CHD9: variants seen among roughly 807,000 people sequenced by gnomAD.
The protein encoded by CHD9 is chromodomain helicase DNA binding protein 9.
Under a neutral mutation model 316.1 loss-of-function variants are expected in CHD9, and 77 were observed. The observed-to-expected ratio is 0.24, with a 90% CI of 0.20 to 0.29. The LOEUF (loss-of-function observed/expected upper bound fraction) is 0.29, where lower values mean the gene tolerates loss of function less well. Ranked by LOEUF, CHD9 falls within the 10% of genes least tolerant of loss-of-function variation. The probability of loss-of-function intolerance (pLI) is 1.00; values close to 1 mark genes in which losing one functional copy is unlikely to be tolerated. For synonymous variants in CHD9, 1,129 were observed against 1,158.3 expected (o/e 0.97, Z 0.51); for missense variants, 2,763 against 3,438.1 (o/e 0.80, Z 4.91).
chr16:53,211,610 T>C (rs1194442237), intron 3 of CHD9, among the ~76,000 whole-genome samples: 2 of 152,090 alleles, frequency 1.3e-5, no homozygotes, highest in South Asian at 4.1e-4. Flanking sequence ...GCCTTTTTGA[T>C]AGAAGAATTT....
intron 1 of CHD9, among the ~76,000 whole-genome samples, chr16:53,088,440 G>A (rs1365638575): frequency 6.6e-6 from 1 of 151,836 alleles, no homozygotes; most frequent in Non-Finnish European, 1.5e-5. Context: ...ACCACGCCTG[G>A]CTAATTTTTT....
chr16:53,155,853 T>C, intron 1 of CHD9, 73 bp from the exon 2 acceptor site: 1 of 473,636 alleles, frequency 2.1e-6, no homozygotes, highest in African/African-American at 2.0e-5. Context: ...CATAATGTTT[T>C]CAGAGTTCAT....
In CHD9 at chr16:53,156,134, T is replaced by C. The variant is rs1031072201; in HGVS notation, c.45T>C (p.Phe15=). 2 of 1,613,550 alleles carry C rather than the reference T, an allele frequency of 1.2e-6. No homozygotes were observed. The highest frequency in any genetic ancestry group is 2.7e-5 in the African/African-American group (2 of 74,926). Residue 15 remains phenylalanine, a synonymous_variant, in exon 2 of 39, where the codon TTT becomes TTC. Transcript: ENST00000447540. ...MMDFFDDANL[F]GETLEGLSDD... is the part of the protein sequence containing the mutation. The stretch of plus-strand genomic sequence containing the variant: ...ACTTTTTTGATGATGCCAATCTTTT[T>C]GGTGAGACCTTAGAAGGTTTGTCAG...
intron 13 of CHD9, among the ~76,000 whole-genome samples, chr16:53,244,942 T>C (rs1301674617): frequency 1.3e-5 from 2 of 152,040 alleles, no homozygotes; most frequent in South Asian, 2.1e-4. Flanking sequence ...TAAGATCTCA[T>C]CTCTACAAAA....
At chr16:53,064,002 A>AT (rs78905561) in intron 1 of CHD9, among the ~76,000 whole-genome samples, 1,761 of 142,106 alleles carry the variant, frequency 0.012, 14 homozygotes, top group Middle Eastern at 0.056. Context: ...TGCCCAGCTA[A>AT]TTTTTTTTTT....
intron 1 of CHD9, among the ~76,000 whole-genome samples, chr16:53,111,671 G>A (rs1163627368): frequency 6.6e-6 from 1 of 152,012 alleles, no homozygotes; most frequent in Non-Finnish European, 1.5e-5. Flanking sequence ...CTTGTATTGG[G>A]GAATTTTCTT....
intron 26 of CHD9, 94 bp downstream of exon 26, chr16:53,286,437 T>A: frequency 1.5e-6 from 1 of 683,154 alleles, no homozygotes; most frequent in Non-Finnish European, 2.5e-6. Flanking sequence ...TTAAATGAGG[T>A]AGCAGTAAGG....
intron 2 of CHD9, among the ~76,000 whole-genome samples, chr16:53,203,827 T>G (rs1284958049): frequency 1.3e-5 from 2 of 151,404 alleles, no homozygotes; most frequent in East Asian, 3.9e-4. Flanking sequence ...ATCGAGACCA[T>G]CCTGGCTAAC....
chr16:53,270,918 CCATGT>C (rs2052193513), intron 22 of CHD9, among the ~76,000 whole-genome samples: 1 of 152,090 alleles, frequency 6.6e-6, no homozygotes, highest in Non-Finnish European at 1.5e-5. Flanking sequence ...CTCTTCAGTT[CCATGT>C]AGCCAGGATG....
chr16:53,321,302 A>T (rs2057260506), intron 37 of CHD9: 1 of 1,348,858 alleles, frequency 7.4e-7, no homozygotes, highest in Admixed American at 3.0e-5. Flanking sequence ...TGTTCTAGTT[A>T]TTCTACTTAA....
intron 1 of CHD9, among the ~76,000 whole-genome samples, chr16:53,088,054 G>A (rs1421126942): frequency 6.6e-6 from 1 of 152,074 alleles, no homozygotes; most frequent in African/African-American, 2.4e-5. Flanking sequence ...GATGGATTTG[G>A]AGTTCAAATG....
chr16:53,149,883 TTACAG>T (rs2040955516), intron 1 of CHD9, among the ~76,000 whole-genome samples: 1 of 151,864 alleles, frequency 6.6e-6, no homozygotes, highest in African/African-American at 2.4e-5. Context: ...CTTTTTTTAC[TTACAG>T]TATTTTGTTT....
chr16:53,115,526 C>A (rs558267080), intron 1 of CHD9, among the ~76,000 whole-genome samples: 1 of 152,314 alleles, frequency 6.6e-6, no homozygotes, highest in Non-Finnish European at 1.5e-5. Context: ...TTTGCACCAA[C>A]CTAAAAATAT....
intron 2 of CHD9, among the ~76,000 whole-genome samples, chr16:53,176,777 A>C (rs1167891473): frequency 6.6e-6 from 1 of 152,222 alleles, no homozygotes; most frequent in Non-Finnish European, 1.5e-5. Context: ...ATATTTGAAC[A>C]ATTTAAATAA....
intron 1 of CHD9, among the ~76,000 whole-genome samples, chr16:53,096,529 A>C (rs2036395469): frequency 6.6e-6 from 1 of 152,214 alleles, no homozygotes; most frequent in South Asian, 2.1e-4. Flanking sequence ...CCAATTTTGT[A>C]GATGGGAAAC....
chr16:53,110,584 A>T lies in CHD9; in HGVS notation c.-164-45342A>T, dbSNP rs547820607. Among the ~76,000 whole-genome samples, 70 of 152,262 alleles carry T rather than the reference A, an allele frequency of 4.6e-4. 2 individuals carry two copies. The highest frequency in any genetic ancestry group is 3.1e-3 in the Admixed American group (47 of 15,300). ...GCAACCAGCCTGGCCAACATGGTGAAACCCTGTCTCTTCCAGAAATGCAGA... is the reference window on the plus strand; with the variant it reads ...GCAACCAGCCTGGCCAACATGGTGATACCCTGTCTCTTCCAGAAATGCAGA... On this transcript the variant is annotated intron_variant, in intron 1 of 38. Coordinates refer to ENST00000447540, the MANE Select transcript of CHD9 (RefSeq NM_001308319.2).
At chr16:53,314,238 A>G (rs2056708392) in intron 34 of CHD9, 139 bp from the exon 35 acceptor site, 3 of 529,132 alleles carry the variant, frequency 5.7e-6, no homozygotes, top group African/African-American at 4.0e-5. Context: ...GGTGGGGATG[A>G]TATTTTTAGT....
chr16:53,084,794 T>G (rs2035324811), intron 1 of CHD9, among the ~76,000 whole-genome samples: 1 of 152,180 alleles, frequency 6.6e-6, no homozygotes, highest in African/African-American at 2.4e-5. Context: ...GAAAGTGTTT[T>G]CTGAGCCCCA....
At chr16:53,315,759 A>G (rs2892458) in intron 36 of CHD9, among the ~76,000 whole-genome samples, 74,017 of 151,828 alleles carry the variant, frequency 0.49, 18,762 homozygotes, top group African/African-American at 0.6. Context: ...GAATACAGAC[A>G]TGAACCACCG....
Sources: allele counts gnomAD v4.1 joint callset (sites outside exome capture counted in the v4.1 genomes callset), GRCh38; gene constraint gnomAD v4.1.1; transcripts MANE v1.5; gene names NCBI Gene and HGNC (gene_info 2026-07-23, HGNC 2026-07-21).